Variants in EPG5 observed in about 807,000 individuals in gnomAD.
EPG5 encodes ectopic P-granules 5 autophagy tethering factor, also known as ectopic P granules protein 5 homolog.
In EPG5, 159 loss-of-function variants were observed where a neutral mutation model predicts 302.7. The observed-to-expected ratio is 0.53, with a 90% confidence interval of 0.46 to 0.60. The LOEUF (loss-of-function observed/expected upper bound fraction) is 0.60, where lower values mean the gene tolerates loss of function less well. Ranked by LOEUF, EPG5 falls within the 20% of genes least tolerant of loss-of-function variation. The pLI is 0.00. For missense variants in EPG5, 2,896 were observed against 3,092.4 expected (o/e 0.94, Z 1.51); for synonymous variants, 1,158 against 1,136.8 (o/e 1.02, Z -0.37).
chr18:45,859,115 G>T (rs2048579637), intron 40 of EPG5, among the ~76,000 whole-genome samples: 1 of 152,216 alleles, frequency 6.6e-6, no homozygotes, highest in Non-Finnish European at 1.5e-5. Flanking sequence ...TGTAGACACT[G>T]CCTGTCCTGG....
the EPG5 span, chr18:45,838,389 C>A: frequency 4.5e-6 from 2 of 447,972 alleles, no homozygotes; most frequent in South Asian, 6.3e-5. Flanking sequence ...CCACTCTAGC[C>A]CCCACCCTGC....
At chr18:45,864,554 T>C (rs909030622) in intron 39 of EPG5, among the ~76,000 whole-genome samples, 3 of 152,214 alleles carry the variant, frequency 2.0e-5, no homozygotes, top group Middle Eastern at 3.2e-3. Flanking sequence ...CTGACGCTGC[T>C]GTTGTTTTCT....
At chr18:45,890,179 G>A in intron 27 of EPG5, 1 of 330,030 alleles carries the variant, frequency 3.0e-6, no homozygotes, top group Non-Finnish European at 5.6e-6. Flanking sequence ...CACATCCCAT[G>A]TCTTCCACCA....
At chr18:45,808,992 G>C in the EPG5 span, among the ~76,000 whole-genome samples, 2 of 152,044 alleles carry the variant, frequency 1.3e-5, no homozygotes, top group Non-Finnish European at 2.9e-5. Context: ...CCTTCAGGAG[G>C]CTCACCTAAC....
chr18:45,865,976 A>T (rs767928309), intron 38 of EPG5, among the ~76,000 whole-genome samples: 3 of 152,172 alleles, frequency 2.0e-5, no homozygotes, highest in Non-Finnish European at 4.4e-5. Context: ...GTTTTCCCAA[A>T]TTGTGGCAGA....
In EPG5 at chr18:45,851,164, A is replaced by G. The variant is rs1730885998; in HGVS notation, c.*1303T>C. 1 of 152,214 alleles carries G rather than the reference A, an allele frequency of 6.6e-6. No individual in the cohort carries two copies. The highest frequency in any genetic ancestry group is 2.4e-5 in the African/African-American group (1 of 41,436). 9.4% of individuals were successfully genotyped at this position (152,214 alleles called of 1,614,324 possible). On this transcript the variant is annotated 3_prime_UTR_variant, in exon 44 of 44. Transcript: ENST00000282041. ...CTGTTAACTATATTCCTATACCCCT[A>G]TAAACATTCTTGGTGGCTGTTTAGA...
chr18:45,867,647 G>A lies in EPG5; in HGVS notation c.6327C>T (p.Pro2109=), dbSNP rs571598987. 1 of 1,614,056 alleles carries A rather than the reference G, an allele frequency of 6.2e-7. No homozygotes were observed. The highest frequency in any genetic ancestry group is 1.1e-5 in the South Asian group (1 of 91,062). The stretch of plus-strand genomic sequence containing the variant: ...CAATCATGCTGCGGGTTTCTGGGTG[G>A]GGACTGGAATTCCAGGCATCAGAGA... ...SVLSDAWNSS[P]HPETRSMIVC... The change falls in exon 37 of 44, where the codon CCC becomes CCT. Residue 2109 remains proline, a synonymous_variant. Coordinates refer to ENST00000282041, the MANE Select transcript of EPG5 (RefSeq NM_020964.3).
intron 3 of EPG5, 67 bp downstream of exon 3, chr18:45,952,333 C>A (rs772265185): frequency 1.9e-6 from 3 of 1,562,426 alleles, no homozygotes; most frequent in Non-Finnish European, 2.6e-6. Flanking sequence ...GTCAATTCAA[C>A]CAGGCTATAC....
In EPG5 at chr18:45,922,519, T is replaced by C. The variant is rs2050181947; in HGVS notation, c.2920A>G (p.Arg974Gly). The C allele has an allele frequency of 6.2e-7, 1 of 1,614,076 alleles. No homozygotes were observed. Among genetic ancestry groups the C allele is most frequent in the Non-Finnish European group, 8.5e-7 (1 of 1,180,034 alleles). The change falls in exon 16 of 44, where the codon AGG becomes GGG. Residue 974 changes from arginine to glycine, a missense_variant. By Grantham distance (125) the Arg-to-Gly change is moderately radical. Coordinates refer to ENST00000282041, the MANE Select transcript of EPG5 (RefSeq NM_020964.3). The stretch of plus-strand genomic sequence containing the variant: ...TAATCGTTTTTGTGCAGTTTTAGCC[T>C]CAAGATTAAATTCCAGGCCCATTGG... ...FNQWAWNLIL[R>G]LKLHKNDYGI... is the part of the protein sequence containing the mutation.
At chr18:45,927,574 A>G (rs898827835) in intron 13 of EPG5, among the ~76,000 whole-genome samples, 12 of 146,898 alleles carry the variant, frequency 8.2e-5, no homozygotes, top group African/African-American at 3.0e-4. Context: ...CAATGACTGA[A>G]TGGATAAACA....
intron 15 of EPG5, among the ~76,000 whole-genome samples, 199 bp from the exon 16 acceptor site, chr18:45,922,799 T>C (rs1049716821): frequency 1.3e-5 from 2 of 152,232 alleles, no homozygotes; most frequent in African/African-American, 2.4e-5. Context: ...AGTCACTTTG[T>C]GAACCTGATC....
At chr18:45,912,749 T>C (rs1385757482) in intron 21 of EPG5, among the ~76,000 whole-genome samples, 3 of 152,192 alleles carry the variant, frequency 2.0e-5, no homozygotes, top group Non-Finnish European at 4.4e-5. Flanking sequence ...CTGAAATTCC[T>C]TGGCGAATAC....
rs1046796144 is a variant in EPG5, at chr18:45,916,690, C to T, written c.3240-108G>A. The T allele has an allele frequency of 2.5e-5, 29 of 1,176,764 alleles. No individual in the cohort carries two copies. The Admixed American group carries it at 3.0e-4, about 12-fold the overall frequency. 72.9% of individuals were successfully genotyped at this position (1,176,764 alleles called of 1,614,324 possible). On this transcript the variant is annotated intron_variant, in intron 17 of 43. Coordinates refer to ENST00000282041, the MANE Select transcript of EPG5 (RefSeq NM_020964.3). ...AAATTCCTAAATTGGTCCCATTTTT[C>T]GACCAAAGCACTATTTAAGAAGGGA...
intron 1 of EPG5, among the ~76,000 whole-genome samples, chr18:45,956,086 TAGTA>T (rs1205245475): frequency 1.3e-5 from 2 of 152,012 alleles, no homozygotes; most frequent in Non-Finnish European, 2.9e-5. Context: ...AACAGGAAAA[TAGTA>T]AGTTTCAGTG....
chr18:45,889,661 CA>C, intron 28 of EPG5, 136 bp downstream of exon 28: 1 of 634,472 alleles, frequency 1.6e-6, no homozygotes, highest in Non-Finnish European at 2.4e-6. Flanking sequence ...AGATTTGACT[CA>C]AAGGCCGTAG....
chr18:45,963,194 G>A (rs1398651313), intron 1 of EPG5, among the ~76,000 whole-genome samples: 1 of 152,202 alleles, frequency 6.6e-6, no homozygotes, highest in African/African-American at 2.4e-5. Context: ...TGGCACAGAG[G>A]GGAGCAGAGT....
chr18:45,936,901 GA>G (rs1365853613), intron 10 of EPG5, among the ~76,000 whole-genome samples: 1 of 151,416 alleles, frequency 6.6e-6, no homozygotes, highest in African/African-American at 2.4e-5. Flanking sequence ...CCAAATTTAA[GA>G]AAAAAATGAA....
chr18:45,943,970 C>T, intron 8 of EPG5, 35 bp downstream of exon 8: 1 of 1,361,400 alleles, frequency 7.3e-7, no homozygotes, highest in South Asian at 1.2e-5. Flanking sequence ...ACACTTGCCA[C>T]TACCACATTT....
At chr18:45,904,176 A>T (rs1051593591) in intron 24 of EPG5, 59 bp from the exon 25 acceptor site, 5 of 1,558,218 alleles carry the variant, frequency 3.2e-6, no homozygotes, top group Non-Finnish European at 4.4e-6. Context: ...CACATATAAA[A>T]CTATGTATTT....
Sources: gnomAD v4.1 joint callset for allele counts (sites outside exome capture counted in the v4.1 genomes callset) on GRCh38, gnomAD v4.1.1 for gene constraint, MANE v1.5 for transcripts, NCBI Gene and HGNC (gene_info 2026-07-23, HGNC 2026-07-21) for gene names.